Variants in FGF13 observed in about 807,000 individuals in gnomAD.
The protein encoded by FGF13 is fibroblast growth factor 13.
Under a neutral mutation model 19.5 loss-of-function variants are expected in FGF13, and 2 were observed. The observed-to-expected ratio is 0.10, with a 90% CI of 0.04 to 0.32. The LOEUF is 0.32. Among genes scored for constraint, FGF13 ranks in the 10% least tolerant of loss-of-function variants. FGF13 has a pLI of 1.00. For missense variants in FGF13, 113 were observed against 192.7 expected, an observed-to-expected ratio of 0.59 and a Z score of 2.45; for synonymous variants, 72 against 76.9, an observed-to-expected ratio of 0.94 and a Z score of 0.33.
At chrX:138,859,932 TA>T (rs1469369049) in intron 2 of FGF13, among the ~76,000 whole-genome samples, 35 of 111,532 alleles carry the variant, frequency 3.1e-4, no homozygotes, top group African/African-American at 1.0e-3. Flanking sequence ...ACAGTAACCA[TA>T]GGCACAGAAC....
At chrX:139,150,224 T>A (rs894286506) in intron 1 of FGF13, among the ~76,000 whole-genome samples, 7 of 111,406 alleles carry the variant, frequency 6.3e-5, no homozygotes, top group African/African-American at 2.3e-4. Context: ...CTCAAAAAGT[T>A]CTTGGTCTCA....
chrX:138,850,914 G>A (rs922589097), intron 3 of FGF13, among the ~76,000 whole-genome samples: 3 of 111,255 alleles, frequency 2.7e-5, no homozygotes, highest in Non-Finnish European at 5.7e-5. Context: ...AACATGCTCC[G>A]GTGTGTGTTG....
intron 3 of FGF13, among the ~76,000 whole-genome samples, chrX:138,830,893 A>G: frequency 9.0e-6 from 1 of 111,045 alleles, no homozygotes; most frequent in East Asian, 2.9e-4. Context: ...AAAGATCTCG[A>G]AGATCTTTGA....
intron 3 of FGF13, among the ~76,000 whole-genome samples, chrX:138,694,769 C>T (rs2089877489): frequency 9.1e-6 from 1 of 110,054 alleles, no homozygotes; most frequent in Admixed American, 9.7e-5. Flanking sequence ...AGCCCACGTG[C>T]CCGGCCATGT....
chrX:138,675,603 T>C (rs2124179679), intron 3 of FGF13, among the ~76,000 whole-genome samples: 1 of 111,383 alleles, frequency 9.0e-6, no homozygotes, highest in South Asian at 3.7e-4. Context: ...CAAATTCTAT[T>C]TACTATTATT....
intron 1 of FGF13, among the ~76,000 whole-genome samples, chrX:139,116,472 T>A (rs989916551): frequency 2.7e-5 from 3 of 112,050 alleles, no homozygotes; most frequent in Non-Finnish European, 5.6e-5. Flanking sequence ...TATAGCTTTG[T>A]CTTTTCTAGT....
intron 3 of FGF13, among the ~76,000 whole-genome samples, chrX:138,794,435 A>G (rs772367555): frequency 8.9e-6 from 1 of 111,862 alleles, no homozygotes; most frequent in African/African-American, 3.2e-5. Context: ...TCCTAGTGAC[A>G]TGAGTACTTT....
intron 3 of FGF13, among the ~76,000 whole-genome samples, chrX:138,805,428 GGCTGAT>G (rs2090858893): frequency 9.0e-6 from 1 of 111,427 alleles, no homozygotes; most frequent in African/African-American, 3.3e-5. Context: ...CTACAAAAAT[GGCTGAT>G]GCTTTCATTA....
chrX:139,139,401 A>T (rs2083825506), intron 1 of FGF13, among the ~76,000 whole-genome samples: 1 of 112,210 alleles, frequency 8.9e-6, no homozygotes, highest in African/African-American at 3.2e-5. Flanking sequence ...CTGGGAATTA[A>T]CAGATCACTC....
rs928321079 is a variant in FGF13 at position 138,628,140 on chromosome X, G to C, written c.*4710C>G. The C allele has an allele frequency of 9.0e-6, 1 of 111,355 alleles. No individual in the cohort carries two copies. Among genetic ancestry groups the C allele is most frequent in the Non-Finnish European group, 1.9e-5 (1 of 53,120 alleles). 9.2% of individuals were successfully genotyped at this position (111,355 alleles called of 1,213,427 possible). A position where few individuals can be genotyped will look rare whatever the true frequency, so the allele number is the denominator to read the frequency against. On this transcript the variant is annotated 3_prime_UTR_variant, in exon 5 of 5. Transcript: ENST00000315930. ...TCTCTCTCTGTTTCTTGGAGATAAAGAGCAGTCCAGAATTAGAGACATGTT... is the reference window on the plus strand; with the variant it reads ...TCTCTCTCTGTTTCTTGGAGATAAACAGCAGTCCAGAATTAGAGACATGTT...
intron 3 of FGF13, among the ~76,000 whole-genome samples, chrX:138,831,439 G>A (rs776592847): frequency 6.0e-4 from 67 of 111,594 alleles, no homozygotes; most frequent in Non-Finnish European, 1.2e-3. Flanking sequence ...GAGGCAGAAC[G>A]TTCTGGGACC....
chrX:138,926,538 G>A (rs191701862), intron 1 of FGF13, among the ~76,000 whole-genome samples: 5 of 110,968 alleles, frequency 4.5e-5, no homozygotes, highest in Admixed American at 1.9e-4. Context: ...CATTGTGAGC[G>A]ATAAGCAAAG....
At chrX:138,916,729 G>A (rs2091619969) in intron 1 of FGF13, among the ~76,000 whole-genome samples, 1 of 112,103 alleles carries the variant, frequency 8.9e-6, no homozygotes, top group African/African-American at 3.2e-5. Context: ...ATTTCAGTGA[G>A]ACCAATATGA....
At chrX:139,106,978 G>A (rs1425904287) in intron 1 of FGF13, among the ~76,000 whole-genome samples, 1 of 110,663 alleles carries the variant, frequency 9.0e-6, no homozygotes, top group Non-Finnish European at 1.9e-5. Context: ...GGCTTCAGAA[G>A]CTTGTAATTA....
chrX:139,131,730 C>T (rs1021783173), intron 1 of FGF13, among the ~76,000 whole-genome samples: 5 of 111,205 alleles, frequency 4.5e-5, no homozygotes, highest in African/African-American at 1.3e-4. Flanking sequence ...GAGCATGACC[C>T]TGTCTCAAAA....
intron 1 of FGF13, among the ~76,000 whole-genome samples, chrX:138,950,975 G>A (rs192021050): frequency 3.6e-5 from 4 of 111,402 alleles, no homozygotes; most frequent in South Asian, 3.8e-4. Flanking sequence ...GACACCACTC[G>A]TTGAGGGCTT....
Position 138,750,601 on chromosome X carries a change from A to T in FGF13, c.218-41673T>A, listed in dbSNP as rs754986100. 9.9e-5 allele frequency among the ~76,000 whole-genome samples: 11 copies of T among 110,791 alleles called. No homozygotes were observed. In the South Asian group the frequency reaches 3.8e-3, roughly 38 times the overall value. ...CTCAAAAAGTGACAGCTCATCCTAC[A>T]TACCATTTTTTTTTTGACTCTCTGC... is the stretch of plus-strand genomic sequence containing the variant. On this transcript the variant is annotated intron_variant, in intron 3 of 6. Coordinates refer to the FGF13 transcript ENST00000436198.
chrX:139,072,276 T>TACACAC lies in FGF13; in HGVS notation c.-113+131134_-113+131139dup, dbSNP rs761988012. ...TCAGAAATATCTCTCTCTCTCTCTCTACACACACACACACACACACACACA... is the reference window on the plus strand; with the variant it reads ...TCAGAAATATCTCTCTCTCTCTCTCTACACACACACACACACACACACACACACACA... On this transcript the variant is annotated intron_variant, in intron 1 of 2. Coordinates refer to the FGF13 transcript ENST00000421460. Among the ~76,000 whole-genome samples the TACACAC allele has an allele frequency of 7.5e-3, 745 of 99,077 alleles. 5 individuals are homozygous for TACACAC. Among genetic ancestry groups the TACACAC allele is most frequent in the African/African-American group, 0.026 (705 of 27,004 alleles). The allele number at this position is 99,077 out of a possible 115,157, so 86.0% of individuals were successfully genotyped here. A position where few individuals can be genotyped will look rare whatever the true frequency, so the allele number is the denominator to read the frequency against.
intron 3 of FGF13, among the ~76,000 whole-genome samples, chrX:138,676,120 T>C (rs1452587894): frequency 8.9e-6 from 1 of 111,889 alleles, no homozygotes; most frequent in Non-Finnish European, 1.9e-5. Context: ...TTTGAATGAA[T>C]GGAAACATTT....
Sources: gnomAD v4.1 joint callset for allele counts (sites outside exome capture counted in the v4.1 genomes callset) on GRCh38, gnomAD v4.1.1 for gene constraint, MANE v1.5 for transcripts, NCBI Gene and HGNC (gene_info 2026-07-23, HGNC 2026-07-21) for gene names.